RGMB: variants seen among roughly 807,000 people sequenced by gnomAD.
RGMB encodes repulsive guidance molecule B.
Under a neutral mutation model 26.9 loss-of-function variants are expected in RGMB, and 16 were observed. The ratio of observed to expected loss-of-function variants is 0.60; its 90% CI spans 0.40 to 0.90. RGMB has a LOEUF of 0.90. Ranked by LOEUF, RGMB falls within the 40% of genes least tolerant of loss-of-function variation. The pLI is 0.00. For synonymous variants in RGMB, 225 were observed against 229.3 expected (o/e 0.98, Z 0.17); for missense variants, 512 against 573.3 (o/e 0.89, Z 1.09).
intron 2 of RGMB, among the ~76,000 whole-genome samples, chr5:98,788,038 G>A (rs1356791206): frequency 6.6e-6 from 1 of 152,092 alleles, no homozygotes; most frequent in African/African-American, 2.4e-5. Flanking sequence ...TATTACCTAC[G>A]GCAACACTGA....
chr5:98,774,355 G>T, intron 1 of RGMB, 149 bp downstream of exon 1: 2 of 836,928 alleles, frequency 2.4e-6, no homozygotes, highest in Non-Finnish European at 3.4e-6. Context: ...CACCTCTGTC[G>T]GGCTCCGGGC....
At position 98,793,854 on chromosome 5, in the gene RGMB, C is replaced by CATGT; in HGVS notation, c.*104_*107dup. Reference sequence around the variant, plus strand: ...AGTAAAAGAGTATATATGTATATACCATGTATATGACAGGATGTTTGTCCT... The same window carrying CATGT: ...AGTAAAAGAGTATATATGTATATACCATGTATGTATATGACAGGATGTTTGTCCT... On this transcript the variant is annotated 3_prime_UTR_variant, in exon 3 of 3. Coordinates refer to ENST00000513185, the MANE Select transcript of RGMB (RefSeq NM_001366508.1). 1.1e-6 allele frequency: 1 copy of CATGT among 884,298 alleles called. No individual in the cohort carries two copies. The highest frequency in any genetic ancestry group is 1.7e-6 in the Non-Finnish European group (1 of 597,850). The allele number at this position is 884,298 out of a possible 1,614,324, so 54.8% of individuals were successfully genotyped here.
chr5:98,773,672 T>A lies in RGMB; in HGVS notation c.-399T>A, dbSNP rs971818532. ...CCGCGGGGGCTGCCGCGCAGAGATA[T>A]CCGGGCCGCCGGTGGGTGGTCGCTA... On this transcript the variant is annotated 5_prime_UTR_variant, in exon 1 of 3. Coordinates refer to ENST00000513185, the MANE Select transcript of RGMB (RefSeq NM_001366508.1). The A allele has an allele frequency of 2.8e-6, 1 of 352,954 alleles. No individual in the cohort carries two copies. Among genetic ancestry groups the A allele is most frequent in the South Asian group, 1.3e-4 (1 of 7,486 alleles). The allele number at this position is 352,954 out of a possible 1,614,324, so 21.9% of individuals were successfully genotyped here.
Position 98,780,025 on chromosome 5 carries a change from T to C in RGMB, c.582T>C (p.Tyr194=). The C allele has an allele frequency of 6.2e-7, 1 of 1,613,862 alleles. No individual in the cohort carries two copies. The highest frequency in any genetic ancestry group is 2.2e-5 in the East Asian group (1 of 44,886). ...CCTGGCCACTCATAGATAATAATTA[T>C]CTTTCAGTTCAAGTGACAAACGTAC... ...EGAWPLIDNN[Y]LSVQVTNVPV... Residue 194 remains tyrosine, a synonymous_variant, in exon 2 of 3, where the codon TAT becomes TAC. Coordinates refer to ENST00000513185, the MANE Select transcript of RGMB (RefSeq NM_001366508.1).
At position 98,773,932 on chromosome 5, in the gene RGMB, A is replaced by G. The variant is rs1391177167; in HGVS notation, c.-139A>G. ...CTTGCTGCGGCGGTGGTGGCGCCCC[A>G]TCTGCTACACGGGCCTGAAGAAGGA... On this transcript the variant is annotated 5_prime_UTR_variant, in exon 1 of 3. Coordinates refer to ENST00000513185, the MANE Select transcript of RGMB (RefSeq NM_001366508.1). The G allele has an allele frequency of 8.8e-6, 5 of 567,806 alleles. No individual in the cohort carries two copies. The highest frequency in any genetic ancestry group is 1.6e-5 in the Non-Finnish European group (5 of 320,428). The allele number at this position is 567,806 out of a possible 1,614,324, so 35.2% of individuals were successfully genotyped here. A position where few individuals can be genotyped will look rare whatever the true frequency, so the allele number is the denominator to read the frequency against.
intron 2 of RGMB, among the ~76,000 whole-genome samples, chr5:98,784,787 T>G (rs1447737899): frequency 6.6e-6 from 1 of 152,226 alleles, no homozygotes; most frequent in East Asian, 1.9e-4. Context: ...TATCATTATT[T>G]TTCTGGACTA....
At chr5:98,784,245 C>T (rs1358984785) in intron 2 of RGMB, among the ~76,000 whole-genome samples, 2 of 152,190 alleles carry the variant, frequency 1.3e-5, no homozygotes, top group African/African-American at 2.4e-5. Context: ...CAGCACTCAT[C>T]GCCTGTCCAA....
chr5:98,787,785 T>A (rs549958488), intron 2 of RGMB, among the ~76,000 whole-genome samples: 1 of 152,352 alleles, frequency 6.6e-6, no homozygotes, highest in African/African-American at 2.4e-5. Flanking sequence ...GCATTCACTG[T>A]CTTAATTGTA....
intron 2 of RGMB, chr5:98,781,245 A>G (rs1246665917): frequency 6.6e-6 from 1 of 152,188 alleles, no homozygotes; most frequent in African/African-American, 2.4e-5. Flanking sequence ...CTGGGGTGTC[A>G]CAAATTTAAG....
upstream of RGMB, chr5:98,769,486 C>T (rs955874157): frequency 3.9e-5 from 6 of 152,404 alleles, no homozygotes; most frequent in African/African-American, 1.4e-4. Context: ...GAGCCTCCCT[C>T]CCGCCCCGAG....
At chr5:98,791,656 A>G (rs1193140485) in intron 2 of RGMB, among the ~76,000 whole-genome samples, 1 of 152,100 alleles carries the variant, frequency 6.6e-6, no homozygotes, top group Non-Finnish European at 1.5e-5. Flanking sequence ...TGTTTTTTCA[A>G]GAAGGAAGAG....
chr5:98,787,630 G>A (rs1459443704), intron 2 of RGMB, among the ~76,000 whole-genome samples: 10 of 152,186 alleles, frequency 6.6e-5, no homozygotes, highest in African/African-American at 2.4e-4. Context: ...TGTGGAGTCC[G>A]AACACAACAG....
At position 98,793,349 on chromosome 5, in the gene RGMB, G is replaced by T. The variant is rs917275369; in HGVS notation, c.910G>T (p.Glu304Ter). Reference sequence around the variant, plus strand: ...GCCTGAAGACCTGGCCATGTCCTACGAGGAGAGCCAGGACCTGCAGCTGTG... The same window carrying T: ...GCCTGAAGACCTGGCCATGTCCTACTAGGAGAGCCAGGACCTGCAGCTGTG... ...RMPEDLAMSY[E>*]ESQDLQLCVN... The change falls in exon 3 of 3, where the codon GAG (glutamate) becomes TAG (stop). Residue 304 changes from glutamate to a stop codon, truncating the protein, a stop_gained. Transcript: ENST00000513185. LOFTEE classifies it high-confidence loss of function. 6.2e-7 allele frequency: 1 copy of T among 1,613,814 alleles called. No individual in the cohort carries two copies. The highest frequency in any genetic ancestry group is 1.1e-5 in the South Asian group (1 of 91,030).
chr5:98,785,802 C>G (rs1746752942), intron 2 of RGMB, among the ~76,000 whole-genome samples: 1 of 152,076 alleles, frequency 6.6e-6, no homozygotes, highest in South Asian at 2.1e-4. Context: ...CATTAAAAGC[C>G]AGGTTTTCAA....
At chr5:98,789,073 T>C (rs986082865) in intron 2 of RGMB, among the ~76,000 whole-genome samples, 1 of 152,210 alleles carries the variant, frequency 6.6e-6, no homozygotes, top group Non-Finnish European at 1.5e-5. Flanking sequence ...TGAAATAAAA[T>C]TCATCGACTT....
Position 98,793,207 on chromosome 5 carries a change from G to C in RGMB, c.768G>C (p.Lys256Asn), listed in dbSNP as rs758322176. 1 of 1,614,070 alleles carries C rather than the reference G, an allele frequency of 6.2e-7. No homozygotes were observed. Among genetic ancestry groups the C allele is most frequent in the South Asian group, 1.1e-5 (1 of 91,084 alleles). ...CCAGTGGTGGGGACAGCGATGCCAA[G>C]AGCCTGCGTATCGTGGAAAGGGAGA... ...GTTSGGDSDA[K>N]SLRIVERESG... The change falls in exon 3 of 3, where the codon AAG (lysine) becomes AAC (asparagine). Residue 256 changes from lysine (K) to asparagine (N), a missense_variant. Physicochemically the swap from Lys to Asn is moderately conservative, Grantham distance 94 (BLOSUM62 0). Transcript: ENST00000513185.
At chr5:98,792,839 A>G (rs1746975980) in intron 2 of RGMB, 4 of 305,358 alleles carry the variant, frequency 1.3e-5, no homozygotes, top group South Asian at 1.7e-4. Flanking sequence ...TCTTTCTCTT[A>G]GGAAAGTAAA....
In RGMB at chr5:98,773,977, G is replaced by C. The variant is rs1746282031; in HGVS notation, c.-94G>C. ...GAAGGAAGAAGAGGAAGCGAAGCGCGCCCCCCGGCCCATGCCGCAGCCACG... is the reference window on the plus strand; with the variant it reads ...GAAGGAAGAAGAGGAAGCGAAGCGCCCCCCCCGGCCCATGCCGCAGCCACG... On this transcript the variant is annotated 5_prime_UTR_variant, in exon 1 of 3. Transcript: ENST00000513185. 1 of 623,504 alleles carries C rather than the reference G, an allele frequency of 1.6e-6. No individual in the cohort carries two copies. The allele number at this position is 623,504 out of a possible 1,614,324, so 38.6% of individuals were successfully genotyped here.
chr5:98,782,532 A>G (rs1374929990), intron 2 of RGMB, among the ~76,000 whole-genome samples: 2 of 152,202 alleles, frequency 1.3e-5, no homozygotes, highest in Non-Finnish European at 2.9e-5. Context: ...AAGTGCATAG[A>G]CCAGTTGTTG....
Sources: gnomAD v4.1 joint callset for allele counts (sites outside exome capture counted in the v4.1 genomes callset) on GRCh38, gnomAD v4.1.1 for gene constraint, MANE v1.5 for transcripts, NCBI Gene and HGNC (gene_info 2026-07-23, HGNC 2026-07-21) for gene names.